Variants in CACNA1D observed in about 807,000 individuals in gnomAD.
The protein encoded by CACNA1D is voltage-dependent L-type calcium channel subunit alpha-1D.
CACNA1D carries 55 observed loss-of-function variants against 257.1 expected under a neutral mutation model. The observed-to-expected ratio is 0.21, with a 90% confidence interval of 0.17 to 0.27. The LOEUF is 0.27. CACNA1D is among the 10% of genes least tolerant of loss of function. The probability of loss-of-function intolerance (pLI) is 1.00; values close to 1 mark genes in which losing one functional copy is unlikely to be tolerated. For missense variants in CACNA1D, 1,876 were observed against 2,784.0 expected, an observed-to-expected ratio of 0.67 and a Z score of 7.34; for synonymous variants, 980 against 1,014.9, an observed-to-expected ratio of 0.97 and a Z score of 0.65.
chr3:53,622,803 G>T (rs186846345), intron 3 of CACNA1D, among the ~76,000 whole-genome samples: 3 of 152,106 alleles, frequency 2.0e-5, no homozygotes, highest in Non-Finnish European at 2.9e-5. Context: ...AACAAATTAT[G>T]ATATATTCAT....
chr3:53,730,908 A>G (rs1191497357), intron 16 of CACNA1D, 169 bp from the exon 17 acceptor site: 2 of 622,014 alleles, frequency 3.2e-6, no homozygotes, highest in African/African-American at 3.7e-5. Context: ...TCGCATTGAG[A>G]TTACCAGGAA....
intron 30 of CACNA1D, among the ~76,000 whole-genome samples, chr3:53,764,707 A>C (rs1359568680): frequency 6.6e-6 from 1 of 152,190 alleles, no homozygotes; most frequent in African/African-American, 2.4e-5. Flanking sequence ...AGCTTTGCTC[A>C]TCAGTGTATC....
At chr3:53,555,529 A>G (rs932319274) in intron 3 of CACNA1D, among the ~76,000 whole-genome samples, 1 of 149,526 alleles carries the variant, frequency 6.7e-6, no homozygotes, top group Admixed American at 6.7e-5. Flanking sequence ...CAAAAGGCAC[A>G]TATAAAAGAG....
intron 3 of CACNA1D, among the ~76,000 whole-genome samples, chr3:53,620,360 A>G (rs2093683093): frequency 6.6e-6 from 1 of 152,192 alleles, no homozygotes; most frequent in Non-Finnish European, 1.5e-5. Context: ...GTGTGATCAT[A>G]GCTTATTGCA....
At chr3:53,787,459 A>G (rs6787542) in intron 40 of CACNA1D, among the ~76,000 whole-genome samples, 13,901 of 77,972 alleles carry the variant, frequency 0.18, 1,581 homozygotes, top group African/African-American at 0.39. Context: ...GTGTGTATGT[A>G]TGTATGTGTG....
At chr3:53,497,563 A>T in intron 2 of CACNA1D, 102 bp downstream of exon 2, 2 of 1,215,100 alleles carry the variant, frequency 1.6e-6, no homozygotes, top group Non-Finnish European at 2.4e-6. Context: ...GCAGTCTGGA[A>T]TGCGAGTAAC....
chr3:53,584,977 G>A (rs1488859730), intron 3 of CACNA1D, among the ~76,000 whole-genome samples: 1 of 151,652 alleles, frequency 6.6e-6, no homozygotes, highest in Non-Finnish European at 1.5e-5. Flanking sequence ...AGGCTTTCCT[G>A]AAGAATGAAA....
rs1421684360 is a variant in CACNA1D, at chr3:53,696,672, G to T, written c.1221-5969G>T. Among the ~76,000 whole-genome samples the T allele has an allele frequency of 3.3e-5, 5 of 152,236 alleles. No homozygotes were observed. The East Asian group carries it at 9.6e-4, about 29-fold the overall frequency. ...TGAGACTTGAGCTTGGTCTTGAAAG[G>T]TGCACTGGATTCAAAGATGGGAGAA... On this transcript the variant is annotated intron_variant, in intron 8 of 47. Transcript: ENST00000350061.
At chr3:53,729,949 G>C (rs1161117225) in intron 15 of CACNA1D, among the ~76,000 whole-genome samples, 1 of 152,152 alleles carries the variant, frequency 6.6e-6, no homozygotes, top group Non-Finnish European at 1.5e-5. Flanking sequence ...ATACTGTCTT[G>C]TGCAAGGGCA....
chr3:53,499,480 T>C (rs754310639), intron 2 of CACNA1D, among the ~76,000 whole-genome samples: 5 of 152,052 alleles, frequency 3.3e-5, no homozygotes, highest in African/African-American at 4.8e-5. Context: ...TCCTGCCCCC[T>C]GGAGGAGTGA....
chr3:53,804,475 G>T (rs1334021167), intron 44 of CACNA1D, among the ~76,000 whole-genome samples: 5 of 152,272 alleles, frequency 3.3e-5, no homozygotes, highest in Middle Eastern at 3.4e-3. Flanking sequence ...TCCATGACTG[G>T]AATTGAAATC....
chr3:53,619,131 T>G (rs1326016134), intron 3 of CACNA1D, among the ~76,000 whole-genome samples: 3 of 152,160 alleles, frequency 2.0e-5, no homozygotes, highest in Non-Finnish European at 4.4e-5. Flanking sequence ...ACCACACCAA[T>G]AAAACGGGCA....
intron 8 of CACNA1D, among the ~76,000 whole-genome samples, chr3:53,693,428 T>G (rs1049831280): frequency 6.6e-6 from 1 of 152,000 alleles, no homozygotes; most frequent in Non-Finnish European, 1.5e-5. Context: ...GATTAAAAAT[T>G]TTTTAAATTG....
chr3:53,651,768 G>A (rs1165752184), intron 4 of CACNA1D, among the ~76,000 whole-genome samples: 5 of 152,162 alleles, frequency 3.3e-5, no homozygotes, highest in Non-Finnish European at 7.4e-5. Flanking sequence ...TTATGTTTCT[G>A]TAAATAGCCT....
At chr3:53,669,516 G>A (rs2094302575) in intron 7 of CACNA1D, among the ~76,000 whole-genome samples, 1 of 152,244 alleles carries the variant, frequency 6.6e-6, no homozygotes, top group South Asian at 2.1e-4. Flanking sequence ...ACATATGGTG[G>A]ACAAAGTCTT....
At chr3:53,715,929 G>T (rs1434685781) in intron 9 of CACNA1D, among the ~76,000 whole-genome samples, 3 of 152,200 alleles carry the variant, frequency 2.0e-5, no homozygotes, top group Admixed American at 6.5e-5. Context: ...TTGGCAGGGG[G>T]CCAGAAATGC....
chr3:53,726,794 G>T (rs1382485171), intron 14 of CACNA1D, 85 bp from the exon 15 acceptor site: 2 of 1,581,218 alleles, frequency 1.3e-6, no homozygotes, highest in Non-Finnish European at 1.7e-6. Flanking sequence ...GCTTAAACCA[G>T]ATCTAGGCAG....
chr3:53,579,722 G>A (rs1406408309), intron 3 of CACNA1D, among the ~76,000 whole-genome samples: 1 of 152,214 alleles, frequency 6.6e-6, no homozygotes, highest in East Asian at 1.9e-4. Context: ...TAGCAAGCAG[G>A]GCTTTGAGTG....
chr3:53,755,215 T>C (rs1220763570), intron 29 of CACNA1D, among the ~76,000 whole-genome samples: 1 of 152,234 alleles, frequency 6.6e-6, no homozygotes, highest in Non-Finnish European at 1.5e-5. Flanking sequence ...CTGTGGAACA[T>C]TTCCCAGATA....
Sources: allele counts gnomAD v4.1 joint callset (sites outside exome capture counted in the v4.1 genomes callset), GRCh38; gene constraint gnomAD v4.1.1; transcripts MANE v1.5; gene names NCBI Gene and HGNC (gene_info 2026-07-23, HGNC 2026-07-21).